The following NRG1 variants were observed in gnomAD, a reference collection of about 807,000 sequenced individuals.
NRG1 encodes the protein neuregulin 1, also known as pro-neuregulin-1, membrane-bound isoform.
A neutral mutation model predicts 63.8 loss-of-function variants in NRG1; 18 were observed. That is an observed-to-expected ratio of 0.28 (90% CI 0.19 to 0.42). NRG1 has a LOEUF of 0.42. Ranked by LOEUF, NRG1 falls within the 10% of genes least tolerant of loss-of-function variation. NRG1 has a pLI of 1.00. For missense variants in NRG1, 762 were observed against 814.7 expected (o/e 0.94, Z 0.79); for synonymous variants, 302 against 301.3 (o/e 1.00, Z -0.02).
chr8:32,113,965 T>C (rs2131479795), intron 1 of NRG1, among the ~76,000 whole-genome samples: 2 of 152,316 alleles, frequency 1.3e-5, no homozygotes, highest in Middle Eastern at 6.8e-3. Context: ...CTCAATAAAT[T>C]GTAGAAACTA....
intron 1 of NRG1, among the ~76,000 whole-genome samples, chr8:31,932,469 C>T (rs1045941537): frequency 4.6e-5 from 7 of 152,118 alleles, no homozygotes; most frequent in African/African-American, 1.4e-4. Context: ...CCTTTGAGAT[C>T]ACCTTATTTC....
chr8:32,422,183 A>C (rs35626967), intron 1 of NRG1, among the ~76,000 whole-genome samples: 11,097 of 152,232 alleles, frequency 0.073, 454 homozygotes, highest in Middle Eastern at 0.088. Context: ...AAGTAGAAAG[A>C]GGGAAAAAAG....
At chr8:32,528,438 C>G (rs1831108907) in intron 1 of NRG1, among the ~76,000 whole-genome samples, 1 of 152,138 alleles carries the variant, frequency 6.6e-6, no homozygotes. Flanking sequence ...CAGGTGACCT[C>G]AAAGGCAAGC....
intron 5 of NRG1, among the ~76,000 whole-genome samples, chr8:32,699,294 T>C (rs1814229463): frequency 1.3e-5 from 2 of 152,212 alleles, no homozygotes; most frequent in Non-Finnish European, 2.9e-5. Flanking sequence ...ACTTGTCTAC[T>C]TCCTCCTGTT....
intron 5 of NRG1, among the ~76,000 whole-genome samples, chr8:32,697,513 A>G (rs1813678251): frequency 6.6e-6 from 1 of 152,200 alleles, no homozygotes; most frequent in Non-Finnish European, 1.5e-5. Context: ...TCAAGTGTCT[A>G]CAGTCTTTCC....
At chr8:32,608,681 G>A (rs1014396792) in intron 3 of NRG1, among the ~76,000 whole-genome samples, 6 of 152,124 alleles carry the variant, frequency 3.9e-5, no homozygotes, top group African/African-American at 1.2e-4. Context: ...GCATCTCTGC[G>A]AATTTAAGCA....
intron 1 of NRG1, among the ~76,000 whole-genome samples, chr8:31,951,341 T>C (rs1413946338): frequency 6.6e-6 from 1 of 152,142 alleles, no homozygotes. Flanking sequence ...AGCTGCATGA[T>C]ATGTTGCATT....
At chr8:31,792,040 C>T (rs1820763620) in intron 1 of NRG1, among the ~76,000 whole-genome samples, 1 of 152,140 alleles carries the variant, frequency 6.6e-6, no homozygotes, top group African/African-American at 2.4e-5. Flanking sequence ...GGCCTTTTCC[C>T]TCCACATCTT....
rs775956667 is a variant in NRG1, at chr8:32,742,729, C to G, written c.687C>G (p.Phe229Leu). Reference sequence around the variant, plus strand: ...GCCAAAACTACGTAATGGCCAGCTTCTACAGTACGTCCACTCCCTTTCTGT... The same window carrying G: ...GCCAAAACTACGTAATGGCCAGCTTGTACAGTACGTCCACTCCCTTTCTGT... Residue 229 changes from phenylalanine (F) to leucine (L), a missense_variant, in exon 7 of 12, where the codon TTC becomes TTG. Phe to Leu is a conservative substitution (Grantham distance 22). Around this residue, in one of 3 missense-constraint regions of NRG1, gnomAD observed 122 missense variants for 190.1 expected, o/e 0.64. Coordinates refer to ENST00000356819, the Ensembl canonical transcript of NRG1. The surrounding 1 kb of genome is among the most constrained non-coding windows in gnomAD (Gnocchi z 4.2). The G allele has an allele frequency of 1.2e-6, 2 of 1,613,784 alleles. No homozygotes were observed. Among genetic ancestry groups the G allele is most frequent in the Non-Finnish European group, 8.5e-7 (1 of 1,179,756 alleles).
intron 1 of NRG1, among the ~76,000 whole-genome samples, chr8:32,409,757 TTC>T (rs1206822261): frequency 2.0e-5 from 3 of 152,218 alleles, no homozygotes; most frequent in Non-Finnish European, 4.4e-5. Context: ...CTCTCTCTTT[TTC>T]TCTCTGTTTT....
chr8:32,639,847 G>A (rs1048873741), intron 5 of NRG1, among the ~76,000 whole-genome samples: 1 of 152,094 alleles, frequency 6.6e-6, no homozygotes, highest in Non-Finnish European at 1.5e-5. Flanking sequence ...TTAAAACTTT[G>A]CTGAATTTAT....
intron 1 of NRG1, among the ~76,000 whole-genome samples, chr8:32,333,145 C>A (rs576664460): frequency 1.3e-5 from 2 of 152,266 alleles, no homozygotes; most frequent in South Asian, 4.1e-4. Flanking sequence ...GGTTAAAAAT[C>A]TATGTGTTTT....
intron 1 of NRG1, among the ~76,000 whole-genome samples, chr8:31,840,265 C>G (rs1459212615): frequency 6.6e-6 from 1 of 151,216 alleles, no homozygotes; most frequent in Non-Finnish European, 1.5e-5. Context: ...GCAGATATAT[C>G]AGTGGAGATG....
intron 1 of NRG1, among the ~76,000 whole-genome samples, chr8:32,254,456 C>T (rs557847182): frequency 6.6e-6 from 1 of 152,132 alleles, no homozygotes; most frequent in Non-Finnish European, 1.5e-5. Context: ...CATTCAGGAG[C>T]AGGTTGTTCA....
intron 1 of NRG1, among the ~76,000 whole-genome samples, chr8:32,406,042 G>A (rs1256482740): frequency 6.6e-6 from 1 of 152,178 alleles, no homozygotes; most frequent in Non-Finnish European, 1.5e-5. Flanking sequence ...GTGTCTTTGG[G>A]TTGATTGTTA....
intron 1 of NRG1, among the ~76,000 whole-genome samples, chr8:32,365,157 G>A (rs147154613): frequency 6.2e-4 from 94 of 152,036 alleles, no homozygotes; most frequent in African/African-American, 2.2e-3. Flanking sequence ...TAAAGTGCTG[G>A]AATTACAGGC....
At chr8:32,176,123 A>G (rs1226542510) in intron 1 of NRG1, among the ~76,000 whole-genome samples, 1 of 152,214 alleles carries the variant, frequency 6.6e-6, no homozygotes, top group African/African-American at 2.4e-5. Context: ...CTGATACCAA[A>G]ACAGAGATAT....
chr8:32,086,155 C>G (rs1371873397), intron 1 of NRG1, among the ~76,000 whole-genome samples: 1 of 152,118 alleles, frequency 6.6e-6, no homozygotes. Flanking sequence ...ACATTTTGTT[C>G]ATGGATATTT....
At chr8:32,624,630 T>C (rs1848880950) in intron 5 of NRG1, among the ~76,000 whole-genome samples, 1 of 152,198 alleles carries the variant, frequency 6.6e-6, no homozygotes, top group Non-Finnish European at 1.5e-5. Flanking sequence ...AATTGCAGTA[T>C]CATTTTTTTA....
Sources: allele counts gnomAD v4.1 joint callset (sites outside exome capture counted in the v4.1 genomes callset), GRCh38; gene constraint gnomAD v4.1.1; regional missense constraint gnomAD v4.1.1; non-coding constraint Gnocchi (gnomAD v3.1); transcripts MANE v1.5; gene names NCBI Gene and HGNC (gene_info 2026-07-23, HGNC 2026-07-21).